Variants in MYO9A observed in about 807,000 individuals in gnomAD.
MYO9A encodes myosin IXA, also known as unconventional myosin-IXa.
In MYO9A, 103 loss-of-function variants were observed where a neutral mutation model predicts 293.3. The observed-to-expected ratio is 0.35, with a 90% CI of 0.30 to 0.41. The LOEUF (loss-of-function observed/expected upper bound fraction) is 0.41, where lower values mean the gene tolerates loss of function less well. Among genes scored for constraint, MYO9A ranks in the 10% least tolerant of loss-of-function variants. The pLI, the probability that MYO9A is intolerant of heterozygous loss-of-function variation, is 1.00. For synonymous variants in MYO9A, 1,001 were observed against 1,035.7 expected (o/e 0.97, Z 0.64); for missense variants, 2,685 against 3,033.0 (o/e 0.89, Z 2.69).
At position 71,940,871 on chromosome 15, in the gene MYO9A, T is replaced by C. The variant is rs12592548; in HGVS notation, c.2303-1944A>G. Among the ~76,000 whole-genome samples, 12 of 151,992 alleles carry C rather than the reference T, an allele frequency of 7.9e-5. No individual in the cohort carries two copies. The East Asian group carries it at 1.6e-3, about 20-fold the overall frequency. ...AAGAGTTCAAGGCTACAGTGAGTTA[T>C]GACTACGCCATCTCACCCCAGCCTG... On this transcript the variant is annotated intron_variant, in intron 15 of 41. Transcript: ENST00000356056.
intron 32 of MYO9A, among the ~76,000 whole-genome samples, chr15:71,874,234 G>A (rs771943613): frequency 2.0e-4 from 31 of 152,300 alleles, no homozygotes; most frequent in Admixed American, 3.3e-4. Flanking sequence ...AGCAAGAGGG[G>A]ATGATTTATA....
chr15:71,824,323 A>G lies in MYO9A; in HGVS notation c.*2257T>C, dbSNP rs533205204. The G allele has an allele frequency of 7.9e-4, 120 of 152,222 alleles. 1 individual carries two copies. The highest frequency in any genetic ancestry group is 2.8e-3 in the African/African-American group (118 of 41,460). The allele number at this position is 152,222 out of a possible 1,614,324, so 9.4% of individuals were successfully genotyped here. A position where few individuals can be genotyped will look rare whatever the true frequency, so the allele number is the denominator to read the frequency against. ...CTACATCAGTCGTTTTTTAACTGCCAAAAAACTTATTTTGCCAAAAAAGCC... is the reference window on the plus strand; with the variant it reads ...CTACATCAGTCGTTTTTTAACTGCCGAAAAACTTATTTTGCCAAAAAAGCC... On this transcript the variant is annotated 3_prime_UTR_variant, in exon 42 of 42. Transcript: ENST00000356056.
chr15:71,998,405 T>C (rs181973224), intron 9 of MYO9A, among the ~76,000 whole-genome samples: 1 of 152,248 alleles, frequency 6.6e-6, no homozygotes, highest in African/African-American at 2.4e-5. Context: ...GACACAAGTT[T>C]ACCTATATAA....
Position 71,907,210 on chromosome 15 carries a change from T to C in MYO9A, c.2686-2204A>G, listed in dbSNP as rs139914510. The stretch of plus-strand genomic sequence containing the variant: ...TATGCGGTGTTTGGTTTTTTGTTTT[T>C]GCGATAGTTTACTGAGAATGATGAT... On this transcript the variant is annotated intron_variant, in intron 19 of 41. Transcript: ENST00000356056. 1.5e-3 allele frequency among the ~76,000 whole-genome samples: 233 copies of C among 151,608 alleles called. 1 individual carries two copies. The highest frequency in any genetic ancestry group is 0.01 in the Middle Eastern group (3 of 292).
intron 3 of MYO9A, among the ~76,000 whole-genome samples, 195 bp downstream of exon 3, chr15:72,032,299 A>T (rs945896556): frequency 3.3e-5 from 5 of 152,202 alleles, no homozygotes; most frequent in East Asian, 1.9e-4. Context: ...CTAGGTTAAG[A>T]GTATGTGTGA....
intron 39 of MYO9A, among the ~76,000 whole-genome samples, chr15:71,841,303 T>A (rs796188434): frequency 9.2e-5 from 14 of 152,346 alleles, no homozygotes; most frequent in African/African-American, 3.1e-4. Flanking sequence ...CTTTTCTGAT[T>A]TTAATCAGAA....
chr15:71,849,688 AGTATTAAGACCAAAGGATTCAGAG>A (rs1204618293), intron 38 of MYO9A, among the ~76,000 whole-genome samples: 4 of 148,932 alleles, frequency 2.7e-5, no homozygotes, highest in Non-Finnish European at 4.5e-5. Flanking sequence ...GGAATACTGA[AGTATTAAGACCAAAGGATTCAGAG>A]CCATTAAGAC....
chr15:71,838,110 C>T (rs565586420), intron 39 of MYO9A, among the ~76,000 whole-genome samples: 212 of 152,088 alleles, frequency 1.4e-3, no homozygotes, highest in African/African-American at 4.9e-3. Context: ...CCTTGTAGAC[C>T]TCCCTGAAAA....
At chr15:72,090,129 C>G (rs903083709) in intron 1 of MYO9A, among the ~76,000 whole-genome samples, 4 of 152,230 alleles carry the variant, frequency 2.6e-5, no homozygotes, top group Non-Finnish European at 5.9e-5. Context: ...TACTTATTAG[C>G]CCACTGGTAA....
intron 39 of MYO9A, among the ~76,000 whole-genome samples, chr15:71,835,117 C>T (rs2054887518): frequency 6.6e-6 from 1 of 152,068 alleles, no homozygotes; most frequent in Admixed American, 6.5e-5. Flanking sequence ...ACAATAACAA[C>T]TCTTAGAAAA....
Position 71,933,653 on chromosome 15 carries a change from G to A in MYO9A, c.2562+17C>T, listed in dbSNP as rs1297948983. 6.3e-7 allele frequency: 1 copy of A among 1,590,542 alleles called. No homozygotes were observed. Among genetic ancestry groups the A allele is most frequent in the East Asian group, 2.3e-5 (1 of 43,578 alleles). On this transcript the variant is annotated intron_variant, in intron 18 of 41. Transcript: ENST00000356056. ...GTAGCAGAATACCAATACAAAAAAAGTTTTCATAGTACTCACCTTTGGAAG... is the reference window on the plus strand; with the variant it reads ...GTAGCAGAATACCAATACAAAAAAAATTTTCATAGTACTCACCTTTGGAAG...
At chr15:71,924,592 CAT>C (rs1159164773) in intron 18 of MYO9A, among the ~76,000 whole-genome samples, 2 of 151,896 alleles carry the variant, frequency 1.3e-5, no homozygotes, top group African/African-American at 2.4e-5. Flanking sequence ...TGGCCCAACA[CAT>C]GACATATCTT....
At chr15:72,018,295 C>T (rs533637519) in intron 6 of MYO9A, among the ~76,000 whole-genome samples, 1 of 151,748 alleles carries the variant, frequency 6.6e-6, no homozygotes, top group African/African-American at 2.4e-5. Flanking sequence ...TGGCAAAACC[C>T]CATCTCTACT....
At chr15:71,977,289 T>C (rs532909798) in intron 12 of MYO9A, among the ~76,000 whole-genome samples, 7 of 152,218 alleles carry the variant, frequency 4.6e-5, no homozygotes, top group Non-Finnish European at 8.8e-5. Context: ...TGGACTATAG[T>C]GCATTGGCGC....
intron 1 of MYO9A, among the ~76,000 whole-genome samples, chr15:72,057,473 T>TTGTCA (rs1168689322): frequency 6.6e-6 from 1 of 152,306 alleles, no homozygotes; most frequent in East Asian, 1.9e-4. Context: ...TTTCTCCTCC[T>TTGTCA]TGTCATTCCA....
At chr15:72,070,938 A>C (rs1472249337) in intron 1 of MYO9A, among the ~76,000 whole-genome samples, 1 of 152,254 alleles carries the variant, frequency 6.6e-6, no homozygotes, top group African/African-American at 2.4e-5. Flanking sequence ...TAAGACCTCA[A>C]ACTATAGAAA....
chr15:71,862,728 A>G, intron 32 of MYO9A, 117 bp from the exon 33 acceptor site: 1 of 615,676 alleles, frequency 1.6e-6, no homozygotes, highest in Non-Finnish European at 2.9e-6. Flanking sequence ...TTCCAGGGGG[A>G]CAATTAGGAT....
Position 72,074,951 on chromosome 15 carries a change from CTTTTTTTT to C in MYO9A, c.-71-28325_-71-28318del, listed in dbSNP as rs750462703. On this transcript the variant is annotated intron_variant, in intron 1 of 41. Coordinates refer to ENST00000356056, the MANE Select transcript of MYO9A (RefSeq NM_006901.4). ...CAGTTAGAAATTTCATTTTCACTGC[CTTTTTTTT>C]TTTTTTTTTTTTTTTTTTTCTTGAG... Among the ~76,000 whole-genome samples the C allele has an allele frequency of 1.0e-3, 53 of 53,132 alleles. 1 individual carries two copies. Among genetic ancestry groups the C allele is most frequent in the East Asian group, 8.0e-3 (11 of 1,368 alleles). 34.9% of individuals were successfully genotyped at this position (53,132 alleles called of 152,430 possible).
intron 1 of MYO9A, among the ~76,000 whole-genome samples, chr15:72,077,831 G>C (rs2150315053): frequency 7.1e-6 from 1 of 141,046 alleles, no homozygotes; most frequent in Non-Finnish European, 1.5e-5. Context: ...CAATAATAAG[G>C]AAATGAATAA....
Sources: allele counts gnomAD v4.1 joint callset (sites outside exome capture counted in the v4.1 genomes callset), GRCh38; gene constraint gnomAD v4.1.1; transcripts MANE v1.5; gene names NCBI Gene and HGNC (gene_info 2026-07-23, HGNC 2026-07-21).